The following UBA2 variants were observed in gnomAD, a reference collection of about 807,000 sequenced individuals.
The protein encoded by UBA2 is SUMO-activating enzyme subunit 2.
UBA2 carries 11 observed loss-of-function variants against 77.2 expected under a neutral mutation model. The observed-to-expected ratio is 0.14, with a 90% confidence interval of 0.09 to 0.24. The LOEUF is 0.24. UBA2 is among the 10% of genes least tolerant of loss of function. UBA2 has a pLI of 1.00. For missense variants in UBA2, 487 were observed against 781.7 expected, an observed-to-expected ratio of 0.62 and a Z score of 4.50; for synonymous variants, 278 against 276.7, an observed-to-expected ratio of 1.00 and a Z score of -0.05.
intron 12 of UBA2, among the ~76,000 whole-genome samples, chr19:34,457,829 A>G (rs2075585155): frequency 6.6e-6 from 1 of 152,232 alleles, no homozygotes; most frequent in South Asian, 2.1e-4. Flanking sequence ...TAGTAGAAGC[A>G]GGAGCTTGGA....
At chr19:34,468,226 A>C (rs1207274252) in intron 16 of UBA2, among the ~76,000 whole-genome samples, 1 of 152,110 alleles carries the variant, frequency 6.6e-6, no homozygotes, top group Non-Finnish European at 1.5e-5. Context: ...ATTCTTTGGA[A>C]TATGTTTACT....
At chr19:34,433,451 C>T in intron 4 of UBA2, 39 bp downstream of exon 4, 1 of 1,294,174 alleles carries the variant, frequency 7.7e-7, no homozygotes, top group Non-Finnish European at 1.1e-6. Flanking sequence ...TCAGTATTTC[C>T]TCTCTCCCAT....
rs1298639972 is a variant in UBA2 at position 34,449,705 on chromosome 19, T to G, written c.772-560T>G. Among the ~76,000 whole-genome samples the G allele has an allele frequency of 4.6e-5, 7 of 152,170 alleles. No individual in the cohort carries two copies. The South Asian group carries it at 1.2e-3, about 27-fold the overall frequency. On this transcript the variant is annotated intron_variant, in intron 8 of 16. Transcript: ENST00000246548. ...TGTTTTTGTAATAATTGTGTGGGGG[T>G]TTTTACATTTTATTTTTGTTCATGT... is the stretch of plus-strand genomic sequence containing the variant.
At chr19:34,465,311 T>G (rs1213038008) in intron 15 of UBA2, among the ~76,000 whole-genome samples, 1 of 152,194 alleles carries the variant, frequency 6.6e-6, no homozygotes, top group Admixed American at 6.5e-5. Flanking sequence ...TGGAGAGAAC[T>G]ACATTTCATA....
chr19:34,466,222 T>C (rs952256924), intron 15 of UBA2, among the ~76,000 whole-genome samples: 3 of 151,974 alleles, frequency 2.0e-5, no homozygotes, highest in Non-Finnish European at 4.4e-5. Flanking sequence ...TAGTCCCAGC[T>C]GCTTGGGAGG....
chr19:34,443,660 T>C (rs534470967), intron 6 of UBA2, among the ~76,000 whole-genome samples, 184 bp from the exon 7 acceptor site: 1 of 152,266 alleles, frequency 6.6e-6, no homozygotes, highest in African/African-American at 2.4e-5. Context: ...CAGGCTGGTC[T>C]CGAACTCCTG....
chr19:34,431,842 G>T lies in UBA2; in HGVS notation c.223-19G>T. 6.2e-7 allele frequency: 1 copy of T among 1,608,112 alleles called. No homozygotes were observed. Among genetic ancestry groups the T allele is most frequent in the Non-Finnish European group, 8.5e-7 (1 of 1,174,792 alleles). ...GGAACAGAAATATTGTAGTAATTCA[G>T]TGTTGTTTATTTTTCCAGGTTGCCA... On this transcript the variant is annotated intron_variant, in intron 2 of 16. Transcript: ENST00000246548.
chr19:34,466,750 TAAA>T (rs754815295), intron 15 of UBA2, 125 bp from the exon 16 acceptor site: 16 of 656,100 alleles, frequency 2.4e-5, no homozygotes, highest in Non-Finnish European at 3.5e-5. Context: ...AAATAAAAAT[TAAA>T]AAAAAAATTA....
intron 9 of UBA2, among the ~76,000 whole-genome samples, chr19:34,451,276 C>G (rs1263712720): frequency 6.6e-6 from 1 of 152,102 alleles, no homozygotes; most frequent in South Asian, 2.1e-4. Flanking sequence ...AATTTATGCA[C>G]AGCAGTATAG....
chr19:34,443,957 T>C, intron 7 of UBA2, 46 bp downstream of exon 7: 1 of 1,364,922 alleles, frequency 7.3e-7, no homozygotes, highest in South Asian at 1.2e-5. Flanking sequence ...CTATTATCTT[T>C]ATTTTGTTGA....
intron 14 of UBA2, 31 bp downstream of exon 14, chr19:34,460,597 CA>C: frequency 6.9e-7 from 1 of 1,453,484 alleles, no homozygotes; most frequent in East Asian, 2.3e-5. Context: ...TCATTCCTCT[CA>C]TTGAGGAGAC....
In UBA2 at chr19:34,464,243, G is replaced by A. The variant is rs923793345; in HGVS notation, c.1604+112G>A. 5.2e-5 allele frequency: 37 copies of A among 709,960 alleles called. No homozygotes were observed. In the African/African-American group the frequency reaches 5.6e-4, roughly 11 times the overall value. The allele number at this position is 709,960 out of a possible 1,614,324, so 44.0% of individuals were successfully genotyped here. On this transcript the variant is annotated intron_variant, in intron 15 of 16. Transcript: ENST00000246548. The stretch of plus-strand genomic sequence containing the variant: ...TAAACCCTGCTGTTCATTTGAAACT[G>A]TATAGTATATTTGGTTGAGTTGGTC...
At chr19:34,461,877 G>T (rs1250887025) in intron 14 of UBA2, among the ~76,000 whole-genome samples, 1 of 152,166 alleles carries the variant, frequency 6.6e-6, no homozygotes, top group Admixed American at 6.5e-5. Flanking sequence ...TGAAACGGAG[G>T]GGGAGTAATA....
intron 1 of UBA2, chr19:34,429,117 G>A (rs2075221959): frequency 2.0e-6 from 2 of 982,942 alleles, no homozygotes; most frequent in Non-Finnish European, 2.4e-6. Flanking sequence ...ATTTTTAACA[G>A]ATGAGGAAAG....
Position 34,455,284 on chromosome 19 carries a change from G to A in UBA2, c.1245+728G>A, listed in dbSNP as rs190022168. ...CTCCTCCCCCTCCACTAAGCACCAA[G>A]TTTAAGATCATTTTTATGGAGAAAG... On this transcript the variant is annotated intron_variant, in intron 12 of 16. Coordinates refer to ENST00000246548, the MANE Select transcript of UBA2 (RefSeq NM_005499.3). 7.2e-5 allele frequency among the ~76,000 whole-genome samples: 11 copies of A among 152,258 alleles called. No homozygotes were observed. In the East Asian group the frequency reaches 2.1e-3, roughly 29 times the overall value.
chr19:34,434,475 T>C (rs1255721200), intron 4 of UBA2, among the ~76,000 whole-genome samples: 1 of 152,212 alleles, frequency 6.6e-6, no homozygotes, highest in Non-Finnish European at 1.5e-5. Flanking sequence ...ACTTTAATAG[T>C]TCCAAGTTGA....
At chr19:34,431,233 C>G (rs899913673) in intron 2 of UBA2, among the ~76,000 whole-genome samples, 1 of 118,056 alleles carries the variant, frequency 8.5e-6, no homozygotes, top group African/African-American at 3.0e-5. Flanking sequence ...CTTTTCCTAT[C>G]ATTTTCTTTT....
At chr19:34,448,635 A>C (rs1228765808) in intron 8 of UBA2, among the ~76,000 whole-genome samples, 1 of 152,074 alleles carries the variant, frequency 6.6e-6, no homozygotes, top group African/African-American at 2.4e-5. Flanking sequence ...ATGTGTGTAG[A>C]GGGGTTGGGG....
At chr19:34,448,694 C>G (rs2075458692) in intron 8 of UBA2, among the ~76,000 whole-genome samples, 1 of 152,050 alleles carries the variant, frequency 6.6e-6, no homozygotes, top group Non-Finnish European at 1.5e-5. Flanking sequence ...ATTTGAGATT[C>G]TTTTGGAACA....
Sources: gnomAD v4.1 joint callset for allele counts (sites outside exome capture counted in the v4.1 genomes callset) on GRCh38, gnomAD v4.1.1 for gene constraint, MANE v1.5 for transcripts, NCBI Gene and HGNC (gene_info 2026-07-23, HGNC 2026-07-21) for gene names.